Variants in PACRG observed in about 807,000 individuals in gnomAD.
PACRG encodes parkin coregulated, also known as parkin coregulated gene protein.
In PACRG, 29 loss-of-function variants were observed where a neutral mutation model predicts 29.7. The ratio of observed to expected loss-of-function variants is 0.98; its 90% confidence interval spans 0.73 to 1.33. The LOEUF (loss-of-function observed/expected upper bound fraction) is 1.33, where lower values mean the gene tolerates loss of function less well. PACRG is among the 40% of genes most tolerant of loss of function. PACRG has a pLI of 0.00. For missense variants in PACRG, 279 were observed against 316.2 expected, an observed-to-expected ratio of 0.88 and a Z score of 0.89; for synonymous variants, 116 against 118.7, an observed-to-expected ratio of 0.98 and a Z score of 0.15.
intron 2 of PACRG, among the ~76,000 whole-genome samples, chr6:162,834,858 G>T (rs35460101): frequency 0.077 from 11,695 of 151,968 alleles, 726 homozygotes; most frequent in South Asian, 0.23. Flanking sequence ...CCAAAATTTG[G>T]TTCTAATGTA....
At chr6:163,219,572 G>A (rs900309792) in intron 4 of PACRG, among the ~76,000 whole-genome samples, 1 of 152,144 alleles carries the variant, frequency 6.6e-6, no homozygotes, top group South Asian at 2.1e-4. Context: ...TTCTCATTGA[G>A]CTGAGAGTAA....
At chr6:162,893,283 T>G (rs538581684) in intron 2 of PACRG, among the ~76,000 whole-genome samples, 2 of 152,126 alleles carry the variant, frequency 1.3e-5, no homozygotes, top group South Asian at 2.1e-4. Flanking sequence ...ACCGAGAAAT[T>G]TTTGGAAACA....
chr6:163,271,990 T>C (rs919416216), intron 4 of PACRG, among the ~76,000 whole-genome samples: 19 of 152,176 alleles, frequency 1.2e-4, no homozygotes, highest in Admixed American at 3.9e-4. Flanking sequence ...ATAAAAACTA[T>C]TGAAGTCTGT....
chr6:162,888,689 C>G (rs1019275435), intron 2 of PACRG, among the ~76,000 whole-genome samples: 14 of 152,160 alleles, frequency 9.2e-5, no homozygotes, highest in Non-Finnish European at 2.1e-4. Flanking sequence ...TGGTCCTCCC[C>G]TGCCTGGGTC....
intron 2 of PACRG, among the ~76,000 whole-genome samples, chr6:163,001,817 T>C (rs1804617637): frequency 6.6e-6 from 1 of 152,198 alleles, no homozygotes; most frequent in Non-Finnish European, 1.5e-5. Context: ...TTATACAAGG[T>C]AATTAAATTC....
At chr6:163,084,268 A>C (rs1350131000) in intron 3 of PACRG, among the ~76,000 whole-genome samples, 1 of 152,218 alleles carries the variant, frequency 6.6e-6, no homozygotes, top group Non-Finnish European at 1.5e-5. Flanking sequence ...TTCTCTTTCA[A>C]GCTACAAAAT....
intron 4 of PACRG, among the ~76,000 whole-genome samples, chr6:163,290,827 C>T (rs1267635197): frequency 6.6e-6 from 1 of 152,154 alleles, no homozygotes; most frequent in Non-Finnish European, 1.5e-5. Flanking sequence ...TAAATGAAAT[C>T]GGATGCGCAT....
chr6:162,976,451 G>T (rs989485279), intron 2 of PACRG, among the ~76,000 whole-genome samples: 7 of 152,176 alleles, frequency 4.6e-5, no homozygotes, highest in Non-Finnish European at 1.0e-4. Context: ...GTTGAGGGGG[G>T]AAGAAAGGTA....
chr6:162,915,477 A>C (rs943834769), intron 2 of PACRG, among the ~76,000 whole-genome samples: 1 of 152,190 alleles, frequency 6.6e-6, no homozygotes, highest in Middle Eastern at 3.4e-3. Flanking sequence ...TTTGGTCTAT[A>C]GACTACAGCT....
intron 4 of PACRG, among the ~76,000 whole-genome samples, chr6:163,235,851 T>A (rs1782213415): frequency 6.6e-6 from 1 of 152,234 alleles, no homozygotes; most frequent in African/African-American, 2.4e-5. Context: ...TGGTTTGATA[T>A]TTTATTATTG....
chr6:163,061,288 C>T (rs1355007228), intron 2 of PACRG, among the ~76,000 whole-genome samples: 1 of 152,184 alleles, frequency 6.6e-6, no homozygotes, highest in African/African-American at 2.4e-5. Flanking sequence ...TAGCTCAGGC[C>T]ACAGGTACCC....
chr6:163,037,895 A>G (rs1808356738), intron 2 of PACRG, among the ~76,000 whole-genome samples: 1 of 152,246 alleles, frequency 6.6e-6, no homozygotes, highest in Non-Finnish European at 1.5e-5. Context: ...AGGAAGACAA[A>G]GGAAGATTTA....
chr6:163,176,114 C>A (rs908744695), intron 4 of PACRG, among the ~76,000 whole-genome samples: 5 of 152,164 alleles, frequency 3.3e-5, no homozygotes, highest in Admixed American at 1.3e-4. Flanking sequence ...GTCTTACCTG[C>A]CCCCCACCCC....
At chr6:162,925,068 A>C (rs1231457924) in intron 2 of PACRG, among the ~76,000 whole-genome samples, 1 of 152,192 alleles carries the variant, frequency 6.6e-6, no homozygotes, top group East Asian at 1.9e-4. Context: ...ATCTAGAAGA[A>C]ATGGATAAAT....
chr6:162,796,558 T>C (rs1785397575), intron 1 of PACRG, among the ~76,000 whole-genome samples: 1 of 152,148 alleles, frequency 6.6e-6, no homozygotes, highest in Admixed American at 6.6e-5. Context: ...CTAATGAACA[T>C]AATTAATATA....
At chr6:163,299,409 T>G (rs1323652705) in intron 4 of PACRG, among the ~76,000 whole-genome samples, 1 of 152,148 alleles carries the variant, frequency 6.6e-6, no homozygotes, top group Non-Finnish European at 1.5e-5. Context: ...ACCATCAGCC[T>G]GACCTGCCCG....
chr6:162,890,771 C>T (rs557862701), intron 2 of PACRG, among the ~76,000 whole-genome samples: 1 of 152,246 alleles, frequency 6.6e-6, no homozygotes, highest in African/African-American at 2.4e-5. Flanking sequence ...GGGTAGGACC[C>T]CAGGGTGGAA....
At chr6:162,975,788 C>T (rs540652682) in intron 2 of PACRG, among the ~76,000 whole-genome samples, 11 of 151,772 alleles carry the variant, frequency 7.2e-5, no homozygotes, top group African/African-American at 2.4e-4. Flanking sequence ...CTTCTTCTCT[C>T]CCTTTTCTCC....
At chr6:162,797,291 A>T (rs1008623723) in intron 1 of PACRG, among the ~76,000 whole-genome samples, 6 of 151,064 alleles carry the variant, frequency 4.0e-5, no homozygotes, top group African/African-American at 1.5e-4. Flanking sequence ...AACAAAAAAA[A>T]CAACAACAAC....
Sources: allele counts gnomAD v4.1 joint callset (sites outside exome capture counted in the v4.1 genomes callset), GRCh38; gene constraint gnomAD v4.1.1; transcripts MANE v1.5; gene names NCBI Gene and HGNC (gene_info 2026-07-23, HGNC 2026-07-21).